Variants in TNR observed in about 807,000 individuals in gnomAD.
The protein encoded by TNR is tenascin-R.
TNR carries 45 observed loss-of-function variants against 150.4 expected under a neutral mutation model. The observed-to-expected ratio is 0.30, with a 90% confidence interval of 0.24 to 0.38. TNR has a LOEUF of 0.38. Among genes scored for constraint, TNR ranks in the 10% least tolerant of loss-of-function variants. The probability of loss-of-function intolerance (pLI) is 1.00; values close to 1 mark genes in which losing one functional copy is unlikely to be tolerated. For missense variants in TNR, 1,544 were observed against 1,759.1 expected (o/e 0.88, Z 2.19); for synonymous variants, 687 against 678.4 (o/e 1.01, Z -0.20).
intron 2 of TNR, among the ~76,000 whole-genome samples, chr1:175,453,934 A>G (rs1194257621): frequency 6.6e-6 from 1 of 152,126 alleles, no homozygotes; most frequent in African/African-American, 2.4e-5. Context: ...CACCTTTATG[A>G]AAAGGTCAGC....
At chr1:175,497,346 A>C (rs1299947498) in intron 2 of TNR, among the ~76,000 whole-genome samples, 1 of 152,202 alleles carries the variant, frequency 6.6e-6, no homozygotes, top group African/African-American at 2.4e-5. Flanking sequence ...AATGTCATTA[A>C]TTTGAAAGGC....
chr1:175,442,410 G>A (rs1338395607), intron 2 of TNR, among the ~76,000 whole-genome samples: 1 of 148,826 alleles, frequency 6.7e-6, no homozygotes, highest in Admixed American at 6.6e-5. Context: ...CATGCCTGAG[G>A]AGAGGGTGGA....
intron 1 of TNR, among the ~76,000 whole-genome samples, chr1:175,547,787 G>T (rs186428980): frequency 4.6e-5 from 7 of 152,322 alleles, no homozygotes; most frequent in Non-Finnish European, 8.8e-5. Flanking sequence ...GATTCCATGA[G>T]AAGTGCAAGT....
At chr1:175,511,062 C>T (rs369573816) in intron 2 of TNR, among the ~76,000 whole-genome samples, 6 of 152,142 alleles carry the variant, frequency 3.9e-5, no homozygotes, top group African/African-American at 1.4e-4. Context: ...ACTTCCTGCC[C>T]CAATTCAGCC....
intron 2 of TNR, among the ~76,000 whole-genome samples, chr1:175,407,120 G>C (rs1223887673): frequency 6.6e-6 from 1 of 152,224 alleles, no homozygotes; most frequent in East Asian, 1.9e-4. Flanking sequence ...GGAGAACTCA[G>C]AGTTTCTTTT....
chr1:175,337,242 G>A (rs557554316), intron 19 of TNR, among the ~76,000 whole-genome samples: 1 of 152,228 alleles, frequency 6.6e-6, no homozygotes, highest in South Asian at 2.1e-4. Context: ...AAGATCCTTG[G>A]GCCCAACAGA....
intron 19 of TNR, 119 bp downstream of exon 19, chr1:175,337,409 T>G: frequency 8.4e-7 from 1 of 1,192,230 alleles, no homozygotes; most frequent in Non-Finnish European, 1.2e-6. Context: ...AAGATGGACA[T>G]GTGGGGGGTG....
intron 21 of TNR, among the ~76,000 whole-genome samples, chr1:175,327,877 G>A (rs529443392): frequency 1.3e-5 from 2 of 152,312 alleles, no homozygotes; most frequent in Middle Eastern, 3.4e-3. Flanking sequence ...GCAGGCCGAG[G>A]CAGGTGGATC....
intron 9 of TNR, among the ~76,000 whole-genome samples, chr1:175,368,361 C>G (rs142201760): frequency 1.3e-5 from 2 of 152,204 alleles, no homozygotes; most frequent in African/African-American, 2.4e-5. Flanking sequence ...AAGCCAGAAG[C>G]TTGAAACGAT....
intron 1 of TNR, among the ~76,000 whole-genome samples, chr1:175,736,814 GACCA>G (rs1667785186): frequency 6.6e-6 from 1 of 151,652 alleles, no homozygotes; most frequent in Non-Finnish European, 1.5e-5. Context: ...AGGAATTCAA[GACCA>G]GCCTGGGCAA....
rs550942129 is a variant in TNR, at chr1:175,573,597, TAAC to T, written c.-164-45231_-164-45229del. Among the ~76,000 whole-genome samples the T allele has an allele frequency of 9.4e-4, 143 of 152,326 alleles. 1 individual carries two copies. Among genetic ancestry groups the T allele is most frequent in the Admixed American group, 8.0e-3 (122 of 15,300 alleles). On this transcript the variant is annotated intron_variant, in intron 1 of 22. Coordinates refer to ENST00000367674, the MANE Select transcript of TNR (RefSeq NM_003285.3). ...GCAAAGTGGGCAAAGACTGTGGGAT[TAAC>T]GACTGTACAGCATGATAGATGTTGC...
chr1:175,664,627 G>C (rs1665475536), intron 1 of TNR, among the ~76,000 whole-genome samples: 1 of 152,168 alleles, frequency 6.6e-6, no homozygotes, highest in Admixed American at 6.5e-5. Context: ...AGCTTCCCTA[G>C]AACTGTGTGA....
chr1:175,577,431 C>T (rs1662164127), intron 1 of TNR, among the ~76,000 whole-genome samples: 1 of 152,132 alleles, frequency 6.6e-6, no homozygotes, highest in Non-Finnish European at 1.5e-5. Flanking sequence ...TCCGGGATCT[C>T]CCTGCTGCCT....
At chr1:175,661,418 AGCT>A (rs1665368048) in intron 1 of TNR, among the ~76,000 whole-genome samples, 1 of 152,170 alleles carries the variant, frequency 6.6e-6, no homozygotes, top group Non-Finnish European at 1.5e-5. Flanking sequence ...AGGAACTCAG[AGCT>A]GGGGTGAGGC....
At chr1:175,450,961 A>G (rs1258146180) in intron 2 of TNR, among the ~76,000 whole-genome samples, 2 of 152,182 alleles carry the variant, frequency 1.3e-5, no homozygotes, top group African/African-American at 4.8e-5. Flanking sequence ...ATTCACCTTT[A>G]GCTTGAAGTT....
chr1:175,488,518 T>G (rs1658108286), intron 2 of TNR, among the ~76,000 whole-genome samples: 1 of 152,082 alleles, frequency 6.6e-6, no homozygotes, highest in African/African-American at 2.4e-5. Context: ...GCTGGGAAAT[T>G]GATTTAGGGG....
chr1:175,689,630 C>A (rs1666300174), intron 1 of TNR, among the ~76,000 whole-genome samples: 1 of 152,218 alleles, frequency 6.6e-6, no homozygotes, highest in Non-Finnish European at 1.5e-5. Context: ...GGCCCTCAGA[C>A]AGACATCAAT....
chr1:175,538,387 C>G (rs1448199419), intron 1 of TNR, among the ~76,000 whole-genome samples: 1 of 152,152 alleles, frequency 6.6e-6, no homozygotes, highest in Non-Finnish European at 1.5e-5. Context: ...ACAGTTCGTT[C>G]CCAAATATGG....
rs201191706 is a variant in TNR at position 175,330,034 on chromosome 1, T to C, written c.3793+40A>G. 1.6e-5 allele frequency: 24 copies of C among 1,467,364 alleles called. No individual in the cohort carries two copies. The East Asian group carries it at 5.2e-4, about 32-fold the overall frequency. 90.9% of individuals were successfully genotyped at this position (1,467,364 alleles called of 1,614,324 possible). A position where few individuals can be genotyped will look rare whatever the true frequency, so the allele number is the denominator to read the frequency against. On this transcript the variant is annotated intron_variant, in intron 21 of 22. Coordinates refer to ENST00000367674, the MANE Select transcript of TNR (RefSeq NM_003285.3). ...CTAGAATCTGGGGGCTCTTGTCCCA[T>C]GCCCACTGTCCTTGGGGTCTGCTCA...
Sources: gnomAD v4.1 joint callset for allele counts (sites outside exome capture counted in the v4.1 genomes callset) on GRCh38, gnomAD v4.1.1 for gene constraint, MANE v1.5 for transcripts, NCBI Gene and HGNC (gene_info 2026-07-23, HGNC 2026-07-21) for gene names.